SPATA3: variants seen among roughly 807,000 people sequenced by gnomAD.
SPATA3 encodes spermatogenesis associated 3, also known as spermatogenesis-associated protein 3.
A neutral mutation model predicts 5.7 loss-of-function variants in SPATA3; 6 were observed. That is an observed-to-expected ratio of 1.06 (90% CI 0.58 to 2.09). The LOEUF (loss-of-function observed/expected upper bound fraction) is 2.09. Among genes scored for constraint, SPATA3 ranks in the 30% most tolerant of loss-of-function variants. The probability of loss-of-function intolerance (pLI) is 0.00; values close to 1 mark genes in which losing one functional copy is unlikely to be tolerated. For synonymous variants in SPATA3, 44 were observed against 48.4 expected, an observed-to-expected ratio of 0.91 and a Z score of 0.37; for missense variants, 155 against 130.4, an observed-to-expected ratio of 1.19 and a Z score of -0.92.
chr2:231,018,544 TTTCTC>T, intron 6 of SPATA3, among the ~76,000 whole-genome samples: 1 of 152,272 alleles, frequency 6.6e-6, no homozygotes, highest in Admixed American at 6.5e-5. Context: ...TTGTGTGCCT[TTTCTC>T]TTATTTATCT....
At position 231,000,307 on chromosome 2, in the gene SPATA3, C is replaced by T. The variant is rs957440110; in HGVS notation, c.791-59C>T. 3 of 1,385,888 alleles carry T rather than the reference C, an allele frequency of 2.2e-6. No homozygotes were observed. In the African/African-American group the frequency reaches 4.4e-5, roughly 20 times the overall value. 85.8% of individuals were successfully genotyped at this position (1,385,888 alleles called of 1,614,324 possible). A position where few individuals can be genotyped will look rare whatever the true frequency, so the allele number is the denominator to read the frequency against. On this transcript the variant is annotated intron_variant, in intron 1 of 2. Transcript: ENST00000645363. ...CCTTCTCAGACTGTGTTCCAGACTC[C>T]CCCGCCCCAGCCTCCCAGGGCAGGT...
intron 1 of SPATA3, 100 bp from the exon 2 acceptor site, chr2:231,000,266 C>A (rs1294193095): frequency 1.8e-6 from 2 of 1,122,558 alleles, no homozygotes; most frequent in Admixed American, 3.5e-5. Flanking sequence ...CCTGCAGCTG[C>A]TGCCGTTGTG....
chr2:231,004,587 G>C (rs1692467883), downstream of SPATA3, among the ~76,000 whole-genome samples: 1 of 152,182 alleles, frequency 6.6e-6, no homozygotes, highest in Non-Finnish European at 1.5e-5. Flanking sequence ...CCCAGTGTCA[G>C]GGATGGGTGG....
rs73099180 is a variant in SPATA3 at position 230,996,913 on chromosome 2, C to G, written c.791-3453C>G. The stretch of plus-strand genomic sequence containing the variant: ...TGATACTGCTTTATTCTGTCCTCAT[C>G]AAGCTATCCTTTTGGGCTGTAAAAG... On this transcript the variant is annotated intron_variant, in intron 1 of 2. Transcript: ENST00000645363. Among the ~76,000 whole-genome samples the G allele has an allele frequency of 3.5e-3, 536 of 152,334 alleles. 2 individuals are homozygous for G. Among genetic ancestry groups the G allele is most frequent in the African/African-American group, 0.012 (494 of 41,582 alleles).
At chr2:231,000,105 GCAC>G (rs1381815080) in intron 1 of SPATA3, among the ~76,000 whole-genome samples, 1 of 152,124 alleles carries the variant, frequency 6.6e-6, no homozygotes, top group Non-Finnish European at 1.5e-5. Context: ...CTCCCAGGTA[GCAC>G]CAGTATAAAA....
chr2:231,005,700 C>A (rs181398967), downstream of SPATA3, among the ~76,000 whole-genome samples: 128 of 151,492 alleles, frequency 8.4e-4, no homozygotes, highest in African/African-American at 2.8e-3. Flanking sequence ...CTGCACCTGG[C>A]AATTCTGCAC....
chr2:230,997,244 A>G (rs1476353603), intron 1 of SPATA3, among the ~76,000 whole-genome samples: 4 of 152,206 alleles, frequency 2.6e-5, no homozygotes, highest in African/African-American at 9.6e-5. Flanking sequence ...AATAAGTTTC[A>G]TGAGATCTAA....
chr2:231,015,647 A>T (rs1314240795), intron 6 of SPATA3, among the ~76,000 whole-genome samples: 3 of 152,126 alleles, frequency 2.0e-5, no homozygotes, highest in Non-Finnish European at 4.4e-5. Flanking sequence ...AGGAGAAGTG[A>T]CTCAACACAC....
intron 5 of SPATA3, among the ~76,000 whole-genome samples, chr2:231,013,455 G>A (rs559913999): frequency 6.6e-6 from 1 of 151,806 alleles, no homozygotes; most frequent in East Asian, 1.9e-4. Context: ...CTACTCACCT[G>A]TTAATGGACA....
chr2:230,996,159 A>G, intron 1 of SPATA3: 1 of 1,450,032 alleles, frequency 6.9e-7, no homozygotes, highest in Non-Finnish European at 9.1e-7. Flanking sequence ...GCAGAGGGCA[A>G]ACGGCCCCTC....
At chr2:231,013,679 G>A (rs367645793) in intron 5 of SPATA3, among the ~76,000 whole-genome samples, 4 of 151,950 alleles carry the variant, frequency 2.6e-5, no homozygotes, top group Non-Finnish European at 5.9e-5. Context: ...CAGTAGAGAC[G>A]GGGCTTCACC....
chr2:230,996,894 T>G (rs192855435), intron 1 of SPATA3, among the ~76,000 whole-genome samples: 1 of 152,362 alleles, frequency 6.6e-6, no homozygotes, highest in East Asian at 1.9e-4. Flanking sequence ...GTGATGATAC[T>G]GCTTTATTCT....
intron 2 of SPATA3, among the ~76,000 whole-genome samples, chr2:231,000,975 T>A (rs1017395822): frequency 6.6e-6 from 1 of 152,228 alleles, no homozygotes; most frequent in Non-Finnish European, 1.5e-5. Flanking sequence ...TGCCTACGAA[T>A]GTCGCCCAGA....
intron 6 of SPATA3, among the ~76,000 whole-genome samples, chr2:231,017,666 G>C (rs1692967329): frequency 1.3e-5 from 2 of 152,238 alleles, no homozygotes. Flanking sequence ...TAGTAAAGAA[G>C]TGTGGGAAAC....
downstream of SPATA3, among the ~76,000 whole-genome samples, chr2:231,005,505 C>T (rs1430618451): frequency 3.4e-4 from 8 of 23,670 alleles, no homozygotes; most frequent in Non-Finnish European, 5.7e-4. Context: ...ACCATCATCA[C>T]CACCACCACC....
In SPATA3 at chr2:231,012,860, A is replaced by G. The variant is rs572347588; in HGVS notation, c.*226+163A>G. On this transcript the variant is annotated intron_variant, in intron 5 of 8. Coordinates refer to the SPATA3 transcript ENST00000452881. ...ATCGTTTTGTTCTGATGAAATTAACAATGAATTTGGTGAAAGAAACTTCCA... is the reference window on the plus strand; with the variant it reads ...ATCGTTTTGTTCTGATGAAATTAACGATGAATTTGGTGAAAGAAACTTCCA... 1.4e-4 allele frequency among the ~76,000 whole-genome samples: 22 copies of G among 152,328 alleles called. No individual in the cohort carries two copies. In the South Asian group the frequency reaches 3.3e-3, roughly 23 times the overall value.
intron 1 of SPATA3, chr2:230,996,495 G>C (rs149976648): frequency 4.5e-6 from 7 of 1,552,176 alleles, no homozygotes; most frequent in Non-Finnish European, 6.1e-6. Flanking sequence ...TTTATCTCCA[G>C]ATGCTAACGT....
At chr2:231,003,358 T>C (rs1013003714), downstream of SPATA3, among the ~76,000 whole-genome samples, 1 of 152,208 alleles carries the variant, frequency 6.6e-6, no homozygotes, top group Non-Finnish European at 1.5e-5. Flanking sequence ...GGGGCATGGC[T>C]CATGCAGCCA....
chr2:231,011,528 C>T (rs911456983), downstream of SPATA3, among the ~76,000 whole-genome samples: 1 of 152,214 alleles, frequency 6.6e-6, no homozygotes, highest in Non-Finnish European at 1.5e-5. Context: ...GTGCCAGGGA[C>T]ACAGGACCAG....
Sources: gnomAD v4.1 joint callset for allele counts (sites outside exome capture counted in the v4.1 genomes callset) on GRCh38, gnomAD v4.1.1 for gene constraint, MANE v1.5 for transcripts, NCBI Gene and HGNC (gene_info 2026-07-23, HGNC 2026-07-21) for gene names.